The following GRB14 variants were observed in gnomAD, a reference collection of about 807,000 sequenced individuals.
The protein encoded by GRB14 is growth factor receptor-bound protein 14.
In GRB14, 38 loss-of-function variants were observed where a neutral mutation model predicts 69.1. The observed-to-expected ratio is 0.55, with a 90% CI of 0.42 to 0.72. The LOEUF is 0.72. Among genes scored for constraint, GRB14 ranks in the 30% least tolerant of loss-of-function variants. GRB14 has a pLI of 0.00. For synonymous variants in GRB14, 247 were observed against 241.3 expected, an observed-to-expected ratio of 1.02 and a Z score of -0.22; for missense variants, 666 against 666.1, an observed-to-expected ratio of 1.00 and a Z score of 0.00.
chr2:164,518,020 T>C (rs1687540574), intron 6 of GRB14, among the ~76,000 whole-genome samples: 1 of 152,140 alleles, frequency 6.6e-6, no homozygotes, highest in Admixed American at 6.6e-5. Context: ...ACAAATGGAC[T>C]TAACAGATAT....
chr2:164,522,146 T>A, intron 5 of GRB14, 29 bp from the exon 6 acceptor site: 1 of 1,330,836 alleles, frequency 7.5e-7, no homozygotes. Flanking sequence ...ATTTTCAAAC[T>A]ATGATTAAAT....
intron 2 of GRB14, among the ~76,000 whole-genome samples, chr2:164,549,509 C>A (rs1465887533): frequency 2.6e-5 from 4 of 152,108 alleles, no homozygotes; most frequent in Non-Finnish European, 5.9e-5. Context: ...AAAGGTCATT[C>A]AATAACTATT....
intron 3 of GRB14, among the ~76,000 whole-genome samples, chr2:164,527,566 A>G (rs1687814911): frequency 6.6e-6 from 1 of 151,912 alleles, no homozygotes; most frequent in Non-Finnish European, 1.5e-5. Context: ...CCTCATTAAG[A>G]GATGAAGAAT....
intron 2 of GRB14, among the ~76,000 whole-genome samples, chr2:164,570,388 T>C (rs1689098992): frequency 6.6e-6 from 1 of 152,084 alleles, no homozygotes; most frequent in African/African-American, 2.4e-5. Context: ...AAGTACTATT[T>C]GCCAAACCCT....
At chr2:164,568,316 C>A (rs1047775249) in intron 2 of GRB14, 111 of 1,286,948 alleles carry the variant, frequency 8.6e-5, no homozygotes, top group Non-Finnish European at 9.6e-5. Context: ...GTCACATACC[C>A]TTTTCTGTAG....
At chr2:164,594,235 C>T (rs1290030727) in intron 2 of GRB14, among the ~76,000 whole-genome samples, 1 of 152,114 alleles carries the variant, frequency 6.6e-6, no homozygotes, top group Non-Finnish European at 1.5e-5. Flanking sequence ...AAAAGGGTTA[C>T]CTCCTTTGGC....
intron 2 of GRB14, among the ~76,000 whole-genome samples, chr2:164,586,556 T>C (rs1008000959): frequency 1.3e-5 from 2 of 152,158 alleles, no homozygotes; most frequent in Non-Finnish European, 2.9e-5. Context: ...TTTCCATATA[T>C]GCTTTGACTC....
intron 2 of GRB14, among the ~76,000 whole-genome samples, chr2:164,577,368 A>G (rs892543339): frequency 6.6e-5 from 10 of 152,116 alleles, no homozygotes; most frequent in African/African-American, 2.2e-4. Flanking sequence ...GTAATACCCA[A>G]TGGTTGGGGA....
chr2:164,497,299 G>T lies in GRB14; in HGVS notation c.1222-16C>A, dbSNP rs375644043. On this transcript the variant is annotated splice_polypyrimidine_tract_variant and intron_variant, in intron 10 of 13. Transcript: ENST00000263915. ...ATCCTTTTTTCTGAGCAAGGAAGGA[G>T]AAAACAAATCTCAAGTTTTTAGGTG... The T allele has an allele frequency of 1.2e-6, 2 of 1,611,090 alleles. No individual in the cohort carries two copies. Among genetic ancestry groups the T allele is most frequent in the Non-Finnish European group, 1.7e-6 (2 of 1,178,848 alleles).
intron 2 of GRB14, among the ~76,000 whole-genome samples, chr2:164,610,863 GA>G (rs976687937): frequency 5.1e-5 from 4 of 79,098 alleles, no homozygotes; most frequent in East Asian, 3.7e-4. Flanking sequence ...AATGTGATGG[GA>G]AAAAAAAATT....
intron 9 of GRB14, among the ~76,000 whole-genome samples, chr2:164,498,853 ACAATCTTATTATGGTT>A (rs1686975245): frequency 6.6e-6 from 1 of 152,164 alleles, no homozygotes; most frequent in South Asian, 2.1e-4. Flanking sequence ...GTAGTGGCCT[ACAATCTTATTATGGTT>A]CATCTATATT....
intron 1 of GRB14, among the ~76,000 whole-genome samples, chr2:164,620,232 T>TA (rs1438356287): frequency 1.3e-5 from 2 of 152,186 alleles, no homozygotes. Flanking sequence ...GCATCCATGA[T>TA]ATTGACAGTC....
At chr2:164,568,046 A>G (rs558452811) in intron 2 of GRB14, among the ~76,000 whole-genome samples, 12 of 152,344 alleles carry the variant, frequency 7.9e-5, no homozygotes, top group Admixed American at 3.3e-4. Flanking sequence ...AAAAGTTTCA[A>G]TACAGTCTCT....
intron 2 of GRB14, among the ~76,000 whole-genome samples, chr2:164,549,190 T>C (rs528498693): frequency 3.9e-5 from 6 of 152,292 alleles, no homozygotes; most frequent in Admixed American, 6.5e-5. Context: ...CTTCGCTCAT[T>C]TTTAATTGGG....
intron 2 of GRB14, among the ~76,000 whole-genome samples, chr2:164,587,382 A>C (rs1559063072): frequency 6.6e-6 from 1 of 152,152 alleles, no homozygotes; most frequent in East Asian, 1.9e-4. Context: ...CTGGATGTTC[A>C]TTATCTAAGG....
chr2:164,554,936 T>C (rs1282169702), intron 2 of GRB14, among the ~76,000 whole-genome samples: 1 of 151,038 alleles, frequency 6.6e-6, no homozygotes, highest in African/African-American at 2.4e-5. Flanking sequence ...AAAAAAAAAC[T>C]TGAGGCCTTT....
chr2:164,558,759 A>G (rs1688747133), intron 2 of GRB14, among the ~76,000 whole-genome samples: 1 of 152,224 alleles, frequency 6.6e-6, no homozygotes, highest in Non-Finnish European at 1.5e-5. Context: ...TGTCTAAGTG[A>G]AAAAGTTAAA....
intron 13 of GRB14, among the ~76,000 whole-genome samples, chr2:164,493,830 A>T (rs1686822784): frequency 6.6e-6 from 1 of 152,118 alleles, no homozygotes; most frequent in Admixed American, 6.6e-5. Context: ...AAAAAGACTG[A>T]ATCTTCACTC....
Position 164,560,793 on chromosome 2 carries a change from G to C in GRB14, c.325-12977C>G, listed in dbSNP as rs187856864. On this transcript the variant is annotated intron_variant, in intron 2 of 13. Transcript: ENST00000263915. ...TCCCAAACAAAGCCTGAATGTATAC[G>C]TTCAAATATGCATGTCTGATTAGGA... 1.6e-4 allele frequency among the ~76,000 whole-genome samples: 24 copies of C among 152,144 alleles called. No homozygotes were observed. In the East Asian group the frequency reaches 4.5e-3, roughly 28 times the overall value.
Sources: allele counts gnomAD v4.1 joint callset (sites outside exome capture counted in the v4.1 genomes callset), GRCh38; gene constraint gnomAD v4.1.1; transcripts MANE v1.5; gene names NCBI Gene and HGNC (gene_info 2026-07-23, HGNC 2026-07-21).